The following PEPD variants were observed in gnomAD, a reference collection of about 807,000 sequenced individuals.
PEPD encodes peptidase D.
In PEPD, 53 loss-of-function variants were observed where a neutral mutation model predicts 60.7. That is an observed-to-expected ratio of 0.87 (90% CI 0.70 to 1.10). The LOEUF is 1.10. PEPD is among the 50% of genes least tolerant of loss of function. The pLI is 0.00. For missense variants in PEPD, 711 were observed against 711.9 expected, an observed-to-expected ratio of 1.00 and a Z score of 0.01; for synonymous variants, 267 against 284.1, an observed-to-expected ratio of 0.94 and a Z score of 0.60.
At chr19:33,416,644 C>T (rs544867878) in intron 9 of PEPD, among the ~76,000 whole-genome samples, 1 of 152,326 alleles carries the variant, frequency 6.6e-6, no homozygotes, top group East Asian at 1.9e-4. Context: ...TGAGAGGAGG[C>T]CGTGGTCTGC....
At chr19:33,493,156 G>C in intron 5 of PEPD, 134 bp downstream of exon 5, 1 of 716,670 alleles carries the variant, frequency 1.4e-6, no homozygotes, top group Non-Finnish European at 2.5e-6. Context: ...GATAACAGGC[G>C]TGAGCCCCTG....
At chr19:33,401,510 C>T (rs1304978291) in intron 12 of PEPD, among the ~76,000 whole-genome samples, 1 of 152,216 alleles carries the variant, frequency 6.6e-6, no homozygotes, top group East Asian at 1.9e-4. Flanking sequence ...CCCCGCAATT[C>T]CTGGTTCTGT....
intron 9 of PEPD, among the ~76,000 whole-genome samples, chr19:33,439,835 A>G (rs1969450703): frequency 6.6e-6 from 1 of 152,200 alleles, no homozygotes; most frequent in Non-Finnish European, 1.5e-5. Flanking sequence ...AATGCCATTT[A>G]TAAACTCCCT....
At chr19:33,449,928 G>A (rs959609507) in intron 9 of PEPD, among the ~76,000 whole-genome samples, 1 of 152,156 alleles carries the variant, frequency 6.6e-6, no homozygotes, top group African/African-American at 2.4e-5. Context: ...CTTGCCTCTG[G>A]GAGTGACCAG....
chr19:33,391,563 C>T lies in PEPD; in HGVS notation c.968-84G>A, dbSNP rs1168988745. On this transcript the variant is annotated intron_variant, in intron 12 of 14. Coordinates refer to ENST00000244137, the MANE Select transcript of PEPD (RefSeq NM_000285.4). ...CAGGGGCTGGGAGATGTGAAGCCCTCACACTGGCTGTGGTGGGAGGGCCTG... is the reference window on the plus strand; with the variant it reads ...CAGGGGCTGGGAGATGTGAAGCCCTTACACTGGCTGTGGTGGGAGGGCCTG... 6 of 1,261,074 alleles carry T rather than the reference C, an allele frequency of 4.8e-6. No individual in the cohort carries two copies. The African/African-American group carries it at 7.4e-5, about 16-fold the overall frequency. 78.1% of individuals were successfully genotyped at this position (1,261,074 alleles called of 1,614,324 possible).
At chr19:33,430,472 ACT>A (rs1969245634) in intron 9 of PEPD, among the ~76,000 whole-genome samples, 1 of 150,300 alleles carries the variant, frequency 6.7e-6, no homozygotes. Flanking sequence ...TGCTGCAAAA[ACT>A]CTGCCCAGTG....
At chr19:33,411,899 A>C in intron 10 of PEPD, 150 bp from the exon 11 acceptor site, 3 of 697,814 alleles carry the variant, frequency 4.3e-6, no homozygotes, top group Non-Finnish European at 7.9e-6. Context: ...CCACAGCCAG[A>C]GGTAAGGCCG....
At chr19:33,520,833 C>T (rs1971117779) in intron 1 of PEPD, among the ~76,000 whole-genome samples, 1 of 152,142 alleles carries the variant, frequency 6.6e-6, no homozygotes, top group Non-Finnish European at 1.5e-5. Context: ...CCATTGAACT[C>T]ACACATAGCT....
intron 1 of PEPD, among the ~76,000 whole-genome samples, chr19:33,518,077 G>A (rs1322771423): frequency 6.6e-6 from 1 of 152,204 alleles, no homozygotes; most frequent in African/African-American, 2.4e-5. Context: ...CGTGGGGCCA[G>A]GCACCAGACA....
chr19:33,431,599 C>G (rs1969276294), intron 9 of PEPD, among the ~76,000 whole-genome samples: 1 of 152,232 alleles, frequency 6.6e-6, no homozygotes, highest in Non-Finnish European at 1.5e-5. Flanking sequence ...AGACACTCCC[C>G]TCCCAATTAA....
intron 1 of PEPD, among the ~76,000 whole-genome samples, chr19:33,519,406 T>G (rs1351291993): frequency 6.6e-6 from 1 of 152,220 alleles, no homozygotes; most frequent in African/African-American, 2.4e-5. Flanking sequence ...TCCCAGGCTC[T>G]GGTAGGATTC....
At chr19:33,437,868 A>G (rs1667581744) in intron 9 of PEPD, among the ~76,000 whole-genome samples, 1 of 152,144 alleles carries the variant, frequency 6.6e-6, no homozygotes, top group African/African-American at 2.4e-5. Context: ...CTGGCACATA[A>G]TCTCATTGTT....
At chr19:33,472,669 A>C (rs1020720021) in intron 7 of PEPD, among the ~76,000 whole-genome samples, 5 of 152,212 alleles carry the variant, frequency 3.3e-5, no homozygotes, top group African/African-American at 1.2e-4. Flanking sequence ...CTGAGATCTA[A>C]ACACTCCACT....
At chr19:33,430,739 G>A (rs781649123) in intron 9 of PEPD, among the ~76,000 whole-genome samples, 20 of 152,032 alleles carry the variant, frequency 1.3e-4, no homozygotes, top group Non-Finnish European at 2.9e-4. Flanking sequence ...CCCCAGCCTC[G>A]CCCCACTGGC....
At chr19:33,442,228 A>G (rs1969491305) in intron 9 of PEPD, among the ~76,000 whole-genome samples, 2 of 152,276 alleles carry the variant, frequency 1.3e-5, no homozygotes, top group African/African-American at 2.4e-5. Context: ...GTGAAACCCC[A>G]TCTCTACTAA....
intron 6 of PEPD, among the ~76,000 whole-genome samples, chr19:33,479,056 G>A (rs11670132): frequency 0.075 from 11,389 of 152,126 alleles, 524 homozygotes; most frequent in Non-Finnish European, 0.11. Flanking sequence ...TGCCATAACA[G>A]CACAAAAGAG....
At chr19:33,396,448 TGGA>T (rs1270379495) in intron 12 of PEPD, among the ~76,000 whole-genome samples, 6 of 152,280 alleles carry the variant, frequency 3.9e-5, no homozygotes, top group African/African-American at 1.2e-4. Flanking sequence ...AGGACTGTTT[TGGA>T]GGTGGGGACA....
chr19:33,402,056 A>G (rs1968510666), intron 11 of PEPD, among the ~76,000 whole-genome samples, 187 bp from the exon 12 acceptor site: 2 of 152,158 alleles, frequency 1.3e-5, no homozygotes, highest in African/African-American at 4.8e-5. Context: ...GCAGCAAGGA[A>G]ACCCGAAGCC....
chr19:33,494,959 C>G (rs186209547), intron 4 of PEPD, among the ~76,000 whole-genome samples: 1 of 151,940 alleles, frequency 6.6e-6, no homozygotes, highest in Non-Finnish European at 1.5e-5. Context: ...ACAGTGAAAC[C>G]CCATCTCTAT....
Sources: allele counts gnomAD v4.1 joint callset (sites outside exome capture counted in the v4.1 genomes callset), GRCh38; gene constraint gnomAD v4.1.1; transcripts MANE v1.5; gene names NCBI Gene and HGNC (gene_info 2026-07-23, HGNC 2026-07-21).